Variants in EDIL3 observed in about 807,000 individuals in gnomAD.
The protein encoded by EDIL3 is EGF-like repeat and discoidin I-like domain-containing protein 3.
EDIL3 carries 37 observed loss-of-function variants against 67.4 expected under a neutral mutation model. That is an observed-to-expected ratio of 0.55 (90% CI 0.42 to 0.72). The LOEUF (loss-of-function observed/expected upper bound fraction) is 0.72. EDIL3 is among the 30% of genes least tolerant of loss of function. The pLI, the probability that EDIL3 is intolerant of heterozygous loss-of-function variation, is 0.00. For missense variants in EDIL3, 527 were observed against 586.3 expected, an observed-to-expected ratio of 0.90 and a Z score of 1.04; for synonymous variants, 195 against 196.3, an observed-to-expected ratio of 0.99 and a Z score of 0.05.
At chr5:84,138,219 C>G (rs1748128120) in intron 4 of EDIL3, among the ~76,000 whole-genome samples, 1 of 152,220 alleles carries the variant, frequency 6.6e-6, no homozygotes, top group African/African-American at 2.4e-5. Flanking sequence ...ATCCTATGAG[C>G]TATTCCAGTT....
intron 2 of EDIL3, among the ~76,000 whole-genome samples, chr5:84,248,358 C>T (rs1280043758): frequency 6.6e-6 from 1 of 152,192 alleles, no homozygotes; most frequent in Admixed American, 6.5e-5. Context: ...CTGTGCACCA[C>T]ACTTTCCTGG....
chr5:84,187,462 T>C (rs1044300470), intron 3 of EDIL3, among the ~76,000 whole-genome samples: 1 of 152,116 alleles, frequency 6.6e-6, no homozygotes, highest in Admixed American at 6.6e-5. Context: ...TACTAGGCTT[T>C]GGTCAATTTT....
chr5:84,086,620 G>C (rs972256227), intron 6 of EDIL3, among the ~76,000 whole-genome samples: 3 of 152,076 alleles, frequency 2.0e-5, no homozygotes, highest in Non-Finnish European at 4.4e-5. Flanking sequence ...CCTCCAAAAA[G>C]GGCTTCCTTT....
chr5:84,070,402 G>A (rs890620275), intron 6 of EDIL3, among the ~76,000 whole-genome samples: 3 of 152,114 alleles, frequency 2.0e-5, no homozygotes, highest in Non-Finnish European at 4.4e-5. Context: ...CAGAGCCCAC[G>A]CTCCCAATGA....
intron 2 of EDIL3, among the ~76,000 whole-genome samples, chr5:84,236,909 G>T (rs1744693771): frequency 6.6e-6 from 1 of 151,764 alleles, no homozygotes; most frequent in Non-Finnish European, 1.5e-5. Flanking sequence ...TGATTTCTCA[G>T]ATTTATCCAT....
chr5:84,125,155 C>A (rs572204942), intron 5 of EDIL3, among the ~76,000 whole-genome samples: 47 of 152,022 alleles, frequency 3.1e-4, no homozygotes, highest in African/African-American at 1.1e-3. Context: ...AAACCTTCAT[C>A]GTAATGTGGT....
At chr5:84,046,551 C>T (rs190941357) in intron 9 of EDIL3, among the ~76,000 whole-genome samples, 28 of 152,230 alleles carry the variant, frequency 1.8e-4, no homozygotes, top group Middle Eastern at 6.8e-3. Context: ...ACTTAGCTCA[C>T]GGAGAGGGCT....
intron 6 of EDIL3, among the ~76,000 whole-genome samples, chr5:84,067,131 T>C (rs552559797): frequency 1.5e-4 from 23 of 152,292 alleles, no homozygotes; most frequent in Admixed American, 7.8e-4. Context: ...AAGTATCCCT[T>C]AAGTTTCTGG....
At chr5:84,057,852 A>C (rs1051384311) in intron 9 of EDIL3, among the ~76,000 whole-genome samples, 8 of 152,144 alleles carry the variant, frequency 5.3e-5, no homozygotes, top group Non-Finnish European at 1.2e-4. Flanking sequence ...TAGATGCTGA[A>C]CAACAAGTTA....
intron 1 of EDIL3, 94 bp downstream of exon 1, chr5:84,384,214 A>G: frequency 6.8e-7 from 1 of 1,466,778 alleles, no homozygotes; most frequent in East Asian, 2.4e-5. Context: ...CACCCTTGGC[A>G]CGCCGGAGGG....
intron 3 of EDIL3, among the ~76,000 whole-genome samples, chr5:84,200,586 A>G (rs992594723): frequency 1.3e-5 from 2 of 152,036 alleles, no homozygotes; most frequent in African/African-American, 4.8e-5. Flanking sequence ...GCATTATTTT[A>G]TATAACACAT....
intron 5 of EDIL3, among the ~76,000 whole-genome samples, chr5:84,117,276 C>A (rs926940955): frequency 6.6e-6 from 1 of 151,850 alleles, no homozygotes; most frequent in Non-Finnish European, 1.5e-5. Context: ...GTGATCCACC[C>A]GCCTTGGCCT....
intron 1 of EDIL3, among the ~76,000 whole-genome samples, chr5:84,370,157 C>G (rs1399256238): frequency 6.6e-6 from 1 of 152,094 alleles, no homozygotes; most frequent in Admixed American, 6.6e-5. Context: ...CACACAATTA[C>G]CAGGGTCTCA....
chr5:84,203,939 A>C (rs1743904179), intron 3 of EDIL3, among the ~76,000 whole-genome samples: 2 of 152,320 alleles, frequency 1.3e-5, no homozygotes, highest in Admixed American at 6.5e-5. Flanking sequence ...AATCCTTAGA[A>C]GTGATCAACG....
intron 9 of EDIL3, among the ~76,000 whole-genome samples, chr5:84,011,086 T>C (rs185138891): frequency 1.3e-5 from 2 of 152,314 alleles, no homozygotes. Context: ...CCTCTGACTA[T>C]AGCATACTGT....
At chr5:84,232,638 C>A (rs370458775) in intron 2 of EDIL3, among the ~76,000 whole-genome samples, 4 of 152,132 alleles carry the variant, frequency 2.6e-5, no homozygotes, top group Non-Finnish European at 5.9e-5. Context: ...TTACAGCCAG[C>A]AAATACACAA....
At chr5:84,152,376 C>T (rs1361619946) in intron 4 of EDIL3, among the ~76,000 whole-genome samples, 2 of 152,258 alleles carry the variant, frequency 1.3e-5, no homozygotes, top group East Asian at 3.9e-4. Flanking sequence ...AGGAAGCCTT[C>T]AAGACAACAA....
At chr5:84,198,432 T>C (rs903530897) in intron 3 of EDIL3, among the ~76,000 whole-genome samples, 6 of 152,058 alleles carry the variant, frequency 3.9e-5, no homozygotes, top group Non-Finnish European at 8.8e-5. Context: ...AAAGTAGTGC[T>C]GTAGTGAAGC....
chr5:84,103,718 T>C (rs553745273), intron 6 of EDIL3, among the ~76,000 whole-genome samples: 5 of 151,826 alleles, frequency 3.3e-5, no homozygotes, highest in Non-Finnish European at 5.9e-5. Context: ...AAAATAATAA[T>C]AGATGCTGGC....
Sources: allele counts gnomAD v4.1 joint callset (sites outside exome capture counted in the v4.1 genomes callset), GRCh38; gene constraint gnomAD v4.1.1; transcripts MANE v1.5; gene names NCBI Gene and HGNC (gene_info 2026-07-23, HGNC 2026-07-21).